CCSER1: variants seen among roughly 807,000 people sequenced by gnomAD.
The protein encoded by CCSER1 is serine-rich coiled-coil domain-containing protein 1.
Under a neutral mutation model 82.0 loss-of-function variants are expected in CCSER1, and 41 were observed. The observed-to-expected ratio is 0.50, with a 90% CI of 0.39 to 0.65. The LOEUF is 0.65. Ranked by LOEUF, CCSER1 falls within the 30% of genes least tolerant of loss-of-function variation. The pLI is 0.00. For missense variants in CCSER1, 1,119 were observed against 1,064.2 expected, an observed-to-expected ratio of 1.05 and a Z score of -0.72; for synonymous variants, 414 against 383.9, an observed-to-expected ratio of 1.08 and a Z score of -0.92.
chr4:91,292,008 T>TA, intron 10 of CCSER1, among the ~76,000 whole-genome samples: 1 of 152,190 alleles, frequency 6.6e-6, no homozygotes, highest in African/African-American at 2.4e-5. Context: ...ATATTTCTGT[T>TA]AAAGCATCAT....
intron 9 of CCSER1, among the ~76,000 whole-genome samples, chr4:90,973,196 G>C (rs1361342315): frequency 1.3e-5 from 2 of 151,534 alleles, no homozygotes; most frequent in Non-Finnish European, 3.0e-5. Context: ...TTGTGTACTA[G>C]CAAAGAAAAC....
At chr4:91,122,380 T>C (rs1012561125) in intron 10 of CCSER1, among the ~76,000 whole-genome samples, 1 of 151,782 alleles carries the variant, frequency 6.6e-6, no homozygotes, top group Non-Finnish European at 1.5e-5. Flanking sequence ...AAGTATATCA[T>C]TCATTACTCA....
chr4:91,104,644 A>T (rs1052423942), intron 10 of CCSER1, among the ~76,000 whole-genome samples: 1 of 152,196 alleles, frequency 6.6e-6, no homozygotes, highest in Non-Finnish European at 1.5e-5. Flanking sequence ...ACAAATTACC[A>T]CCAAGTAGGT....
chr4:90,218,538 A>G (rs1741531659), intron 1 of CCSER1, among the ~76,000 whole-genome samples: 1 of 152,202 alleles, frequency 6.6e-6, no homozygotes, highest in Non-Finnish European at 1.5e-5. Flanking sequence ...ATAAAACATT[A>G]AACTTGCAGT....
At chr4:90,710,449 T>C (rs899451498) in intron 6 of CCSER1, among the ~76,000 whole-genome samples, 3 of 152,142 alleles carry the variant, frequency 2.0e-5, no homozygotes, top group African/African-American at 7.2e-5. Context: ...CTTCTAGAGC[T>C]TTTATAGTTT....
chr4:91,243,270 G>T (rs1476268990), intron 10 of CCSER1, among the ~76,000 whole-genome samples: 1 of 152,208 alleles, frequency 6.6e-6, no homozygotes, highest in Non-Finnish European at 1.5e-5. Context: ...GAGTTTGTTG[G>T]CAAGCCTCAC....
At chr4:91,257,458 T>C (rs938449407) in intron 10 of CCSER1, among the ~76,000 whole-genome samples, 1 of 128,536 alleles carries the variant, frequency 7.8e-6, no homozygotes, top group African/African-American at 3.0e-5. Flanking sequence ...TTCAGTAAAG[T>C]TGGAATACAT....
At chr4:90,758,958 TTC>T (rs1554007059) in intron 7 of CCSER1, among the ~76,000 whole-genome samples, 1 of 152,168 alleles carries the variant, frequency 6.6e-6, no homozygotes, top group Non-Finnish European at 1.5e-5. Context: ...ATTTTTCCCA[TTC>T]TGTTATGTTC....
intron 10 of CCSER1, among the ~76,000 whole-genome samples, chr4:91,106,046 T>C (rs1397918147): frequency 2.6e-5 from 4 of 152,224 alleles, no homozygotes; most frequent in Admixed American, 1.3e-4. Flanking sequence ...ACCAGATACA[T>C]TTGACCTTCA....
intron 1 of CCSER1, among the ~76,000 whole-genome samples, chr4:90,154,226 C>G (rs1265516860): frequency 6.6e-6 from 1 of 152,002 alleles, no homozygotes; most frequent in Non-Finnish European, 1.5e-5. Context: ...CTGTTCTGTT[C>G]CATTGATCTA....
At chr4:90,797,386 A>T (rs916945523) in intron 7 of CCSER1, among the ~76,000 whole-genome samples, 1 of 152,114 alleles carries the variant, frequency 6.6e-6, no homozygotes, top group African/African-American at 2.4e-5. Context: ...ATGTGAGATT[A>T]GTCTCTTGAA....
intron 3 of CCSER1, among the ~76,000 whole-genome samples, chr4:90,331,696 T>C (rs995513399): frequency 1.2e-4 from 19 of 152,194 alleles, no homozygotes; most frequent in African/African-American, 4.6e-4. Flanking sequence ...AATTGGCTTA[T>C]AATTATTGGT....
intron 10 of CCSER1, among the ~76,000 whole-genome samples, chr4:91,363,378 TGTGTGTGTGTGTGA>T (rs1227588376): frequency 1.3e-4 from 19 of 151,278 alleles, no homozygotes; most frequent in Admixed American, 2.0e-4. Context: ...TGTGTGTGTG[TGTGTGTGTGTGTGA>T]GACAAAAATA....
chr4:90,229,546 G>T (rs1744000913), intron 1 of CCSER1, among the ~76,000 whole-genome samples: 1 of 151,858 alleles, frequency 6.6e-6, no homozygotes, highest in South Asian at 2.1e-4. Flanking sequence ...TCGAGACTAG[G>T]AAGAAACTGC....
intron 5 of CCSER1, among the ~76,000 whole-genome samples, chr4:90,593,156 T>A (rs1305261557): frequency 1.3e-5 from 2 of 152,180 alleles, no homozygotes; most frequent in Admixed American, 1.3e-4. Context: ...TTCATTTTTT[T>A]AATCACATCA....
intron 9 of CCSER1, among the ~76,000 whole-genome samples, chr4:91,006,075 T>A (rs544768841): frequency 2.7e-4 from 41 of 152,350 alleles, no homozygotes; most frequent in African/African-American, 9.9e-4. Context: ...TGGTTCCATA[T>A]GACTTTTAAG....
intron 10 of CCSER1, among the ~76,000 whole-genome samples, chr4:91,145,150 A>G (rs1483359190): frequency 6.6e-6 from 1 of 152,118 alleles, no homozygotes; most frequent in African/African-American, 2.4e-5. Context: ...AAAACTGGGT[A>G]CATATGTGTA....
rs1042630218 is a variant in CCSER1, at chr4:90,507,045, T to C, written c.1724+38691T>C. 2.0e-5 allele frequency among the ~76,000 whole-genome samples: 3 copies of C among 152,166 alleles called. No homozygotes were observed. The East Asian group carries it at 5.8e-4, about 29-fold the overall frequency. On this transcript the variant is annotated intron_variant, in intron 5 of 10. Coordinates refer to ENST00000509176, the MANE Select transcript of CCSER1 (RefSeq NM_001145065.2). Reference sequence around the variant, plus strand: ...ACGTTTACTATCTTTTATTCAAAATTTTGACAACTAACAAGGAAAACTGAA... The same window carrying C: ...ACGTTTACTATCTTTTATTCAAAATCTTGACAACTAACAAGGAAAACTGAA...
rs564517097 is a variant in CCSER1 at position 90,702,708 on chromosome 4, TA to T, written c.1933-21205del. ...TTCCTGGTTTAGTCTTGGGAGGGTGTATGTGTCCAGTAATTTATCCATTTCT... is the reference window on the plus strand; with the variant it reads ...TTCCTGGTTTAGTCTTGGGAGGGTGTTGTGTCCAGTAATTTATCCATTTCT... On this transcript the variant is annotated intron_variant, in intron 6 of 10. Transcript: ENST00000509176. Among the ~76,000 whole-genome samples the T allele has an allele frequency of 2.0e-3, 309 of 152,328 alleles. 1 individual carries two copies. Among genetic ancestry groups the T allele is most frequent in the African/African-American group, 6.8e-3 (281 of 41,570 alleles).
Sources: gnomAD v4.1 joint callset for allele counts (sites outside exome capture counted in the v4.1 genomes callset) on GRCh38, gnomAD v4.1.1 for gene constraint, MANE v1.5 for transcripts, NCBI Gene and HGNC (gene_info 2026-07-23, HGNC 2026-07-21) for gene names.